The following ADAMTS19 variants were observed in gnomAD, a reference collection of about 807,000 sequenced individuals.
ADAMTS19 encodes A disintegrin and metalloproteinase with thrombospondin motifs 19.
ADAMTS19 carries 93 observed loss-of-function variants against 153.3 expected under a neutral mutation model. That is an observed-to-expected ratio of 0.61 (90% CI 0.51 to 0.72). The LOEUF is 0.72. Ranked by LOEUF, ADAMTS19 falls within the 30% of genes least tolerant of loss-of-function variation. The pLI, the probability that ADAMTS19 is intolerant of heterozygous loss-of-function variation, is 0.00. For missense variants in ADAMTS19, 1,482 were observed against 1,552.1 expected (o/e 0.95, Z 0.76); for synonymous variants, 600 against 556.6 (o/e 1.08, Z -1.10).
intron 6 of ADAMTS19, among the ~76,000 whole-genome samples, chr5:129,549,511 C>T (rs919057109): frequency 6.6e-6 from 1 of 151,424 alleles, no homozygotes; most frequent in African/African-American, 2.4e-5. Flanking sequence ...TCAAAATAAA[C>T]AAACTTAGAG....
At chr5:129,463,719 G>T (rs1749766361) in intron 2 of ADAMTS19, among the ~76,000 whole-genome samples, 1 of 152,130 alleles carries the variant, frequency 6.6e-6, no homozygotes. Flanking sequence ...CCTGATGATT[G>T]ACAAGCTCCT....
At chr5:129,501,359 T>C (rs540057218) in intron 2 of ADAMTS19, among the ~76,000 whole-genome samples, 8 of 152,266 alleles carry the variant, frequency 5.3e-5, no homozygotes, top group Non-Finnish European at 1.2e-4. Flanking sequence ...AGAAGTCTGA[T>C]CATATAGAAC....
intron 2 of ADAMTS19, among the ~76,000 whole-genome samples, chr5:129,468,502 C>T (rs1181755824): frequency 6.6e-6 from 1 of 151,468 alleles, no homozygotes; most frequent in Non-Finnish European, 1.5e-5. Context: ...TACAGGCGCG[C>T]ACCACCACGC....
At chr5:129,580,450 G>A (rs1057425883) in intron 7 of ADAMTS19, among the ~76,000 whole-genome samples, 1 of 152,086 alleles carries the variant, frequency 6.6e-6, no homozygotes, top group African/African-American at 2.4e-5. Context: ...GACTGCCCTG[G>A]CCAGAACGTC....
At position 129,560,705 on chromosome 5, in the gene ADAMTS19, C is replaced by T. The variant is rs189840470; in HGVS notation, c.1372+8798C>T. On this transcript the variant is annotated intron_variant, in intron 7 of 22. Transcript: ENST00000274487. ...TTCAAGGAAAACTTTTTAAGTACTA[C>T]TGTACTTTATGTATGTATTTTTATA... Among the ~76,000 whole-genome samples the T allele has an allele frequency of 4.6e-3, 708 of 152,328 alleles. 9 individuals carry two copies. Among genetic ancestry groups the T allele is most frequent in the African/African-American group, 0.016 (677 of 41,582 alleles).
intron 8 of ADAMTS19, among the ~76,000 whole-genome samples, chr5:129,609,846 A>T (rs1751109275): frequency 6.6e-6 from 1 of 152,142 alleles, no homozygotes; most frequent in Admixed American, 6.6e-5. Flanking sequence ...CATGTCCTAG[A>T]GTAAAGCAGG....
At chr5:129,684,686 T>A (rs575780062) in intron 18 of ADAMTS19, among the ~76,000 whole-genome samples, 1 of 151,990 alleles carries the variant, frequency 6.6e-6, no homozygotes, top group Non-Finnish European at 1.5e-5. Context: ...CAGACCTGAA[T>A]TGAATATAAG....
At chr5:129,710,620 T>C (rs1756405597) in intron 21 of ADAMTS19, among the ~76,000 whole-genome samples, 2 of 152,146 alleles carry the variant, frequency 1.3e-5, no homozygotes, top group South Asian at 4.1e-4. Context: ...TGTGGAGAAA[T>C]AGGAACACCT....
At chr5:129,569,976 G>C (rs1753838915) in intron 7 of ADAMTS19, among the ~76,000 whole-genome samples, 1 of 151,904 alleles carries the variant, frequency 6.6e-6, no homozygotes, top group African/African-American at 2.4e-5. Flanking sequence ...GTAAAAATAG[G>C]AGCATAAATC....
intron 7 of ADAMTS19, among the ~76,000 whole-genome samples, chr5:129,568,353 A>AG (rs1561575798): frequency 1.1e-5 from 1 of 87,830 alleles, no homozygotes. Flanking sequence ...AGACAACAAC[A>AG]GTAATACATG....
At chr5:129,495,212 T>C (rs1035398974) in intron 2 of ADAMTS19, among the ~76,000 whole-genome samples, 1 of 152,114 alleles carries the variant, frequency 6.6e-6, no homozygotes, top group Non-Finnish European at 1.5e-5. Flanking sequence ...ACTTTCCATT[T>C]TGTTATCCTG....
rs775651415 is a variant in ADAMTS19 at position 129,665,546 on chromosome 5, G to A, written c.2473G>A (p.Val825Ile). ...ACCTGCTGGAGCAAGAAGAATCAAA[G>A]TTGTGGAGGAAAAGCCGGCACATAG... ...VIPAGARRIKVVEEKPAHSYL... is the reference protein window; with the variant it reads ...VIPAGARRIKIVEEKPAHSYL... Residue 825 changes from valine (V) to isoleucine (I), a missense_variant, in exon 16 of 23, where the codon GTT (valine) becomes ATT (isoleucine). Val to Ile is a conservative substitution (Grantham distance 29). Coordinates refer to ENST00000274487, the MANE Select transcript of ADAMTS19 (RefSeq NM_133638.6). 2 of 1,610,712 alleles carry A rather than the reference G, an allele frequency of 1.2e-6. No individual in the cohort carries two copies. The highest frequency in any genetic ancestry group is 4.5e-5 in the East Asian group (2 of 44,724).
At chr5:129,676,587 C>T (rs551068966) in intron 16 of ADAMTS19, among the ~76,000 whole-genome samples, 26 of 152,192 alleles carry the variant, frequency 1.7e-4, no homozygotes, top group African/African-American at 6.0e-4. Flanking sequence ...TCTTAGGGAT[C>T]GCAGTTCTCT....
At chr5:129,558,734 C>T (rs1261328605) in intron 7 of ADAMTS19, among the ~76,000 whole-genome samples, 1 of 152,054 alleles carries the variant, frequency 6.6e-6, no homozygotes, top group Non-Finnish European at 1.5e-5. Context: ...CCTGCGCTAT[C>T]AGATACCAAG....
In ADAMTS19 at chr5:129,513,648, A is replaced by AT. The variant is rs34095949; in HGVS notation, c.913+4413dup. 3.0e-3 allele frequency among the ~76,000 whole-genome samples: 457 copies of AT among 151,126 alleles called. 2 individuals are homozygous for AT. Among genetic ancestry groups the AT allele is most frequent in the African/African-American group, 9.8e-3 (403 of 40,952 alleles). On this transcript the variant is annotated intron_variant, in intron 3 of 22. Coordinates refer to ENST00000274487, the MANE Select transcript of ADAMTS19 (RefSeq NM_133638.6). ...TATCCTCATTTCTTATTTTTTTTAA[A>AT]TTTTTTTGTGGGTACATAGTAGGTG...
chr5:129,561,417 T>G (rs1393756243), intron 7 of ADAMTS19, among the ~76,000 whole-genome samples: 2 of 151,934 alleles, frequency 1.3e-5, no homozygotes, highest in Non-Finnish European at 2.9e-5. Context: ...TAGTCCCAGC[T>G]ACTCGGGAGG....
chr5:129,688,408 C>G lies in ADAMTS19; in HGVS notation c.2818+4135C>G, dbSNP rs372079339. 2.2e-4 allele frequency among the ~76,000 whole-genome samples: 33 copies of G among 151,932 alleles called. No individual in the cohort carries two copies. In the South Asian group the frequency reaches 6.0e-3, roughly 28 times the overall value. On this transcript the variant is annotated intron_variant, in intron 18 of 22. Transcript: ENST00000274487. ...GTTGTAAGATATTAAATTGCCAATA[C>G]TGTAATAAGTGGGAAAATAAACACT... is the stretch of plus-strand genomic sequence containing the variant.
At chr5:129,709,119 AAAACT>A (rs1485251619) in intron 21 of ADAMTS19, among the ~76,000 whole-genome samples, 3 of 152,140 alleles carry the variant, frequency 2.0e-5, no homozygotes, top group African/African-American at 7.2e-5. Context: ...GAAGAATCTA[AAAACT>A]AATTTTTTCC....
intron 8 of ADAMTS19, among the ~76,000 whole-genome samples, chr5:129,616,118 C>T (rs1751511695): frequency 6.6e-6 from 1 of 151,640 alleles, no homozygotes; most frequent in Non-Finnish European, 1.5e-5. Context: ...ATTGTTTGTG[C>T]AAATTGAAAT....
Sources: gnomAD v4.1 joint callset for allele counts (sites outside exome capture counted in the v4.1 genomes callset) on GRCh38, gnomAD v4.1.1 for gene constraint, MANE v1.5 for transcripts, NCBI Gene and HGNC (gene_info 2026-07-23, HGNC 2026-07-21) for gene names.